Variants in PSG2 observed in about 807,000 individuals in gnomAD.
The protein encoded by PSG2 is pregnancy-specific beta-1-glycoprotein 2.
Under a neutral mutation model 36.2 loss-of-function variants are expected in PSG2, and 49 were observed. The ratio of observed to expected loss-of-function variants is 1.35; its 90% CI spans 1.08 to 1.72. The LOEUF (loss-of-function observed/expected upper bound fraction) is 1.72, where lower values mean the gene tolerates loss of function less well. PSG2 is among the 40% of genes most tolerant of loss of function. The pLI is 0.00. For missense variants in PSG2, 605 were observed against 407.2 expected (o/e 1.49, Z -4.18); for synonymous variants, 261 against 155.6 (o/e 1.68, Z -5.04).
chr19:43,079,072 C>T (rs190172537), intron 2 of PSG2, among the ~76,000 whole-genome samples: 2 of 151,746 alleles, frequency 1.3e-5, no homozygotes, highest in South Asian at 2.1e-4. Flanking sequence ...AACAGAACAG[C>T]CAGCCTAGTT....
At chr19:43,068,132 C>G (rs1371058084) in intron 4 of PSG2, among the ~76,000 whole-genome samples, 8 of 151,106 alleles carry the variant, frequency 5.3e-5, no homozygotes, top group Non-Finnish European at 8.8e-5. Flanking sequence ...TTTAAAATTC[C>G]TAAAATCAGA....
chr19:43,082,215 G>A (rs1172282728), intron 1 of PSG2: 12 of 279,400 alleles, frequency 4.3e-5, no homozygotes, highest in Non-Finnish European at 5.9e-5. Context: ...ATCTCGGCAC[G>A]CTGCAACTTC....
At chr19:43,066,841 G>C (rs1052608532) in intron 4 of PSG2, among the ~76,000 whole-genome samples, 3 of 149,594 alleles carry the variant, frequency 2.0e-5, no homozygotes, top group Non-Finnish European at 4.5e-5. Context: ...ATTTTGGAAG[G>C]CTTTCAGATG....
chr19:43,075,236 T>G, intron 3 of PSG2, 118 bp downstream of exon 3: 1 of 1,599,082 alleles, frequency 6.3e-7, no homozygotes, highest in Non-Finnish European at 8.5e-7. Context: ...ATGGCCAGCT[T>G]TGATGCCTAG....
rs370444278 is a variant in PSG2 at position 43,080,860 on chromosome 19, G to C, written c.430+21C>G. On this transcript the variant is annotated intron_variant, in intron 2 of 5. Coordinates refer to ENST00000406487, the MANE Select transcript of PSG2 (RefSeq NM_031246.4). ...ATGACCCCTGTCCCCCAACACCCAG[G>C]GATCATGTGGAATCACTTACGGTAT... is the stretch of plus-strand genomic sequence containing the variant. The C allele has an allele frequency of 6.8e-5, 110 of 1,611,746 alleles. 1 individual carries two copies. The highest frequency in any genetic ancestry group is 8.7e-5 in the Non-Finnish European group (102 of 1,179,028).
At position 43,075,382 on chromosome 19, in the gene PSG2, G is replaced by A; in HGVS notation, c.681C>T (p.Arg227=). Residue 227 remains arginine (R), a synonymous_variant, in exon 3 of 6, where the codon CGC becomes CGT. Transcript: ENST00000406487. ...GGAGATTCAGGGTGACTGGGTCACT[G>A]CGGCTGGCACTCCCTGAGTTCCGTA... ...CEIRNSGSAS[R]SDPVTLNLLH... 6.2e-7 allele frequency: 1 copy of A among 1,613,188 alleles called. No homozygotes were observed. The highest frequency in any genetic ancestry group is 8.5e-7 in the Non-Finnish European group (1 of 1,179,658).
rs1967822185 is a variant in PSG2 at position 43,071,848 on chromosome 19, A to G, written c.816T>C (p.Ser272=). The G allele has an allele frequency of 6.2e-7, 1 of 1,613,210 alleles. No individual in the cohort carries two copies. The highest frequency in any genetic ancestry group is 8.5e-7 in the Non-Finnish European group (1 of 1,179,656). Residue 272 remains serine, a synonymous_variant, in exon 4 of 6, where the codon TCT becomes TCC. Coordinates refer to ENST00000406487, the MANE Select transcript of PSG2 (RefSeq NM_031246.4). ...FANSNPPAQY[S]WTINGKFQQS... ...GCTGAAACTTCCCATTAATTGTCCA[A>G]GAATACTGTGCCGGTGGGTTAGAGT...
chr19:43,072,422 C>A, intron 3 of PSG2: 2 of 1,612,416 alleles, frequency 1.2e-6, no homozygotes, highest in South Asian at 1.1e-5. Flanking sequence ...TTCATAGGGT[C>A]CTGTTTCATT....
intron 4 of PSG2, among the ~76,000 whole-genome samples, chr19:43,067,514 GC>G (rs1967756335): frequency 6.6e-6 from 1 of 151,326 alleles, no homozygotes; most frequent in Non-Finnish European, 1.5e-5. Context: ...CAGGCCCTGT[GC>G]TAAATACTTC....
Sources: allele counts gnomAD v4.1 joint callset (sites outside exome capture counted in the v4.1 genomes callset), GRCh38; gene constraint gnomAD v4.1.1; transcripts MANE v1.5; gene names NCBI Gene and HGNC (gene_info 2026-07-23, HGNC 2026-07-21).